Variants in TTC7A observed in about 807,000 individuals in gnomAD.
TTC7A encodes the protein tetratricopeptide repeat domain 7A.
Under a neutral mutation model 103.7 loss-of-function variants are expected in TTC7A, and 110 were observed. The ratio of observed to expected loss-of-function variants is 1.06; its 90% confidence interval spans 0.91 to 1.24. The LOEUF is 1.24. Among genes scored for constraint, TTC7A ranks in the 50% most tolerant of loss-of-function variants. TTC7A has a pLI of 0.00. For synonymous variants in TTC7A, 521 were observed against 467.9 expected, an observed-to-expected ratio of 1.11 and a Z score of -1.47; for missense variants, 1,340 against 1,116.3, an observed-to-expected ratio of 1.20 and a Z score of -2.86.
At chr2:46,990,639 T>G (rs144236327) in intron 5 of TTC7A, among the ~76,000 whole-genome samples, 19 of 152,146 alleles carry the variant, frequency 1.2e-4, no homozygotes, top group Non-Finnish European at 2.5e-4. Context: ...TGGGGCCACA[T>G]GTATGTCATC....
intron 2 of TTC7A, among the ~76,000 whole-genome samples, chr2:46,923,700 T>C (rs577724616): frequency 2.6e-5 from 4 of 152,072 alleles, no homozygotes; most frequent in Non-Finnish European, 5.9e-5. Flanking sequence ...GAGACCAGCC[T>C]GCACAACATA....
upstream of TTC7A, among the ~76,000 whole-genome samples, chr2:46,938,668 A>C (rs1271147237): frequency 1.3e-5 from 2 of 152,176 alleles, no homozygotes; most frequent in African/African-American, 2.4e-5. Context: ...GTTCTCTTAT[A>C]GTCAATAAAT....
At position 47,007,283 on chromosome 2, in the gene TTC7A, C is replaced by T. The variant is rs767439462; in HGVS notation, c.1287+559C>T. ...GGACGCTGCCCGGAGCAAGGAGCAC[C>T]GGGCATGAGTTCACTCTCTATCCAC... On this transcript the variant is annotated intron_variant, in intron 10 of 19. Transcript: ENST00000319190. This position sits in a 1 kb window ranked among gnomAD's most constrained non-coding sequence, Gnocchi z 4.9. 7.9e-5 allele frequency among the ~76,000 whole-genome samples: 12 copies of T among 152,054 alleles called. No homozygotes were observed. The highest frequency in any genetic ancestry group is 3.9e-4 in the East Asian group (2 of 5,132).
At chr2:47,023,551 G>A (rs1679526588) in intron 13 of TTC7A, 86 bp downstream of exon 13, 1 of 1,343,110 alleles carries the variant, frequency 7.4e-7, no homozygotes, top group Non-Finnish European at 1.1e-6. Flanking sequence ...CCTCTGATGT[G>A]GGCAGAACAA....
intron 9 of TTC7A, 111 bp from the exon 10 acceptor site, chr2:47,006,530 C>T (rs991580132): frequency 1.4e-5 from 13 of 950,238 alleles, no homozygotes; most frequent in Non-Finnish European, 2.2e-5. Flanking sequence ...GTGCGGGCCT[C>T]CTGCAGCCTC....
intron 3 of TTC7A, among the ~76,000 whole-genome samples, chr2:46,957,259 C>G (rs1426242267): frequency 1.3e-5 from 2 of 152,284 alleles, no homozygotes; most frequent in African/African-American, 4.8e-5. Flanking sequence ...TACCCTTGGG[C>G]AATCACCTCT....
At chr2:46,998,487 A>G (rs962124769) in intron 8 of TTC7A, among the ~76,000 whole-genome samples, 6 of 152,036 alleles carry the variant, frequency 3.9e-5, no homozygotes, top group Non-Finnish European at 8.8e-5. Flanking sequence ...TCTCAGCTGA[A>G]CCCCAAGGCT....
rs1684838526 is a variant in TTC7A at position 47,072,467 on chromosome 2, C to G, written c.2356-1235C>G. On this transcript the variant is annotated intron_variant, in intron 19 of 19. Transcript: ENST00000319190. ...CGAACTGGTTGTGTTCCAAGCTCTC[C>G]GAGGACTTGATGAAACCAGGCATGC... Among the ~76,000 whole-genome samples, 3 of 152,236 alleles carry G rather than the reference C, an allele frequency of 2.0e-5. No homozygotes were observed. The South Asian group carries it at 6.2e-4, about 31-fold the overall frequency.
chr2:47,055,672 G>C (rs1443615079), intron 18 of TTC7A, among the ~76,000 whole-genome samples: 2 of 152,152 alleles, frequency 1.3e-5, no homozygotes, highest in Admixed American at 6.5e-5. Context: ...AGGTCCAAGG[G>C]CTCATGGGTA....
upstream of TTC7A, among the ~76,000 whole-genome samples, chr2:46,939,464 A>C (rs1670149240): frequency 6.6e-6 from 1 of 152,150 alleles, no homozygotes; most frequent in African/African-American, 2.4e-5. Context: ...TGAGCCATGA[A>C]GACTGTTCCT....
intron 3 of TTC7A, among the ~76,000 whole-genome samples, chr2:46,971,578 T>C (rs1449755023): frequency 2.0e-5 from 3 of 149,338 alleles, no homozygotes; most frequent in Non-Finnish European, 4.5e-5. Context: ...CCCTGGGGAT[T>C]AGAGTGAGAC....
chr2:47,051,973 G>A, intron 18 of TTC7A, 93 bp downstream of exon 18: 1 of 1,471,114 alleles, frequency 6.8e-7, no homozygotes, highest in Non-Finnish European at 9.1e-7. Context: ...GTGGGGAGGT[G>A]GGGACACCTT....
chr2:46,950,367 C>G lies in TTC7A; in HGVS notation c.189C>G (p.Asp63Glu), dbSNP rs112301354. 309 of 1,613,960 alleles carry G rather than the reference C, an allele frequency of 1.9e-4. 1 individual carries two copies. In the African/African-American group the frequency reaches 3.7e-3, roughly 20 times the overall value. ...SAAFTFPDTD[D>E]FGKLLLAEAL... is the part of the protein sequence containing the mutation. The stretch of plus-strand genomic sequence containing the variant: ...GACCCCTACTTTGCTTTTCAGATGA[C>G]TTTGGGAAATTGCTGCTGGCTGAGG... Residue 63 changes from aspartate (D) to glutamate (E), a missense_variant, in exon 2 of 20, where the codon GAC (aspartate) becomes GAG (glutamate). Transcript: ENST00000319190.
At chr2:47,036,099 C>T (rs1206856101) in intron 15 of TTC7A, among the ~76,000 whole-genome samples, 9 of 152,220 alleles carry the variant, frequency 5.9e-5, no homozygotes, top group Admixed American at 5.2e-4. Context: ...TTTGGGAAGT[C>T]CTCTCAAGGT....
rs999404804 is a variant in TTC7A, at chr2:47,074,745, CCTT to C, written c.*823_*825del. The C allele has an allele frequency of 1.3e-5, 2 of 152,494 alleles. No homozygotes were observed. The highest frequency in any genetic ancestry group is 2.9e-5 in the Non-Finnish European group (2 of 68,300). 9.4% of individuals were successfully genotyped at this position (152,494 alleles called of 1,614,324 possible). A position where few individuals can be genotyped will look rare whatever the true frequency, so the allele number is the denominator to read the frequency against. ...CCCAGTACATCTCACCACCCACAGC[CCTT>C]TTTTTGCCTTGATTCGAGCCTCACC... On this transcript the variant is annotated 3_prime_UTR_variant, in exon 20 of 20. Transcript: ENST00000319190.
chr2:46,990,542 C>T lies in TTC7A; in HGVS notation c.765-2908C>T, dbSNP rs536595978. On this transcript the variant is annotated intron_variant, in intron 5 of 19. Coordinates refer to ENST00000319190, the MANE Select transcript of TTC7A (RefSeq NM_020458.4). ...TTCCAAACTTTAACATAAGTCAGAA[C>T]ATAAGTCATATGATCTTCAAGACCC... Among the ~76,000 whole-genome samples the T allele has an allele frequency of 2.4e-4, 37 of 152,298 alleles. No homozygotes were observed. In the South Asian group the frequency reaches 6.6e-3, roughly 27 times the overall value.
In TTC7A at chr2:47,007,888, G is replaced by A. The variant is rs567342881; in HGVS notation, c.1287+1164G>A. Among the ~76,000 whole-genome samples, 1 of 152,318 alleles carries A rather than the reference G, an allele frequency of 6.6e-6. No individual in the cohort carries two copies. The highest frequency in any genetic ancestry group is 1.9e-4 in the East Asian group (1 of 5,176). On this transcript the variant is annotated intron_variant, in intron 10 of 19. Coordinates refer to ENST00000319190, the MANE Select transcript of TTC7A (RefSeq NM_020458.4). The surrounding 1 kb of genome is among the most constrained non-coding windows in gnomAD (Gnocchi z 4.9). ...TCAGCAGGGTCTTGTCAAGGCTCAG[G>A]GAGAATTCAGAACACAGGGCAAGGC...
At position 47,006,825 on chromosome 2, in the gene TTC7A, T is replaced by A. The variant is rs1677461758; in HGVS notation, c.1287+101T>A. The A allele has an allele frequency of 9.4e-6, 9 of 958,994 alleles. No homozygotes were observed. The East Asian group carries it at 2.2e-4, about 24-fold the overall frequency. 59.4% of individuals were successfully genotyped at this position (958,994 alleles called of 1,614,324 possible). On this transcript the variant is annotated intron_variant, in intron 10 of 19. Coordinates refer to ENST00000319190, the MANE Select transcript of TTC7A (RefSeq NM_020458.4). Reference sequence around the variant, plus strand: ...TGGCCAGGGGAGTGGGTGGGTATTATCCTGCCGCTGGTTTGAACCTCCGGG... The same window carrying A: ...TGGCCAGGGGAGTGGGTGGGTATTAACCTGCCGCTGGTTTGAACCTCCGGG...
At chr2:46,915,866 A>G (rs1194798533), upstream of TTC7A, 2 of 942,500 alleles carry the variant, frequency 2.1e-6, no homozygotes, top group Middle Eastern at 5.6e-4. Context: ...CCGCCCGCCC[A>G]TTGGCGCCGC....
Sources: allele counts gnomAD v4.1 joint callset (sites outside exome capture counted in the v4.1 genomes callset), GRCh38; gene constraint gnomAD v4.1.1; non-coding constraint Gnocchi (gnomAD v3.1); transcripts MANE v1.5; gene names NCBI Gene and HGNC (gene_info 2026-07-23, HGNC 2026-07-21).